SLC66A2: variants seen among roughly 807,000 people sequenced by gnomAD.
The protein encoded by SLC66A2 is PQ loop repeat containing 1.
Under a neutral mutation model 25.5 loss-of-function variants are expected in SLC66A2, and 23 were observed. That is an observed-to-expected ratio of 0.90 (90% confidence interval 0.65 to 1.28). The LOEUF (loss-of-function observed/expected upper bound fraction) is 1.28, where lower values mean the gene tolerates loss of function less well. Among genes scored for constraint, SLC66A2 ranks in the 50% most tolerant of loss-of-function variants. SLC66A2 has a pLI of 0.00. For synonymous variants in SLC66A2, 193 were observed against 166.5 expected (o/e 1.16, Z -1.23); for missense variants, 396 against 373.1 (o/e 1.06, Z -0.51).
Position 79,903,843 on chromosome 18 carries a change from T to A in SLC66A2, c.*133A>T. ...CCACCCTGAGACACCCCACAGAGGC[T>A]GATGGAGACCCCAATGCCCATGCCC... On this transcript the variant is annotated 3_prime_UTR_variant, in exon 6 of 6. Coordinates refer to ENST00000397778, the MANE Select transcript of SLC66A2 (RefSeq NM_025078.5). 1.4e-6 allele frequency: 1 copy of A among 721,086 alleles called. No homozygotes were observed. The highest frequency in any genetic ancestry group is 2.2e-6 in the Non-Finnish European group (1 of 448,120). 44.7% of individuals were successfully genotyped at this position (721,086 alleles called of 1,614,324 possible).
Position 79,943,413 on chromosome 18 carries a change from T to A in SLC66A2, c.253A>T (p.Ile85Phe). ...TTCAGCATCAGCAGCATGGTCAGGA[T>A]CATGATGGCGCTCTGCCACAGCAGC... ...SPLLWQSAIM[I>F]LTMLLMLKLC... Residue 85 changes from isoleucine (I) to phenylalanine (F), a missense_variant, in exon 3 of 6, where the codon ATC (isoleucine) becomes TTC (phenylalanine). Physicochemically the swap from Ile to Phe is conservative, Grantham distance 21. Transcript: ENST00000397778. 1 of 1,614,194 alleles carries A rather than the reference T, an allele frequency of 6.2e-7. No homozygotes were observed. The highest frequency in any genetic ancestry group is 8.5e-7 in the Non-Finnish European group (1 of 1,180,030).
Position 79,904,217 on chromosome 18 carries a change from G to A in SLC66A2, c.609-34C>T, listed in dbSNP as rs775129806. On this transcript the variant is annotated intron_variant, in intron 5 of 5. Transcript: ENST00000397778. The surrounding 1 kb of genome is among the most constrained non-coding windows in gnomAD (Gnocchi z 6.3). ...ACACAAGCAGGCGGTCAGCGGTGGG[G>A]AGGGCGGCGACCTGGGCTCAGTCAG... 5 of 1,595,248 alleles carry A rather than the reference G, an allele frequency of 3.1e-6. No individual in the cohort carries two copies. Among genetic ancestry groups the A allele is most frequent in the African/African-American group, 1.3e-5 (1 of 74,532 alleles).
intron 1 of SLC66A2, among the ~76,000 whole-genome samples, chr18:79,951,378 G>A (rs2051121248): frequency 6.6e-6 from 1 of 150,466 alleles, no homozygotes; most frequent in South Asian, 2.1e-4. Context: ...GGGTCACAGG[G>A]CCTAGCATGG....
intron 3 of SLC66A2, among the ~76,000 whole-genome samples, chr18:79,942,065 G>A (rs555767125): frequency 6.0e-4 from 92 of 152,348 alleles, no homozygotes; most frequent in African/African-American, 2.2e-3. Flanking sequence ...GCAAAGCCTT[G>A]CGGGGAGCAA....
Position 79,903,887 on chromosome 18 carries a change from A to C in SLC66A2, c.*89T>G. The stretch of plus-strand genomic sequence containing the variant: ...CATGCCCCATCTCTGCCACACCTGC[A>C]GGGGCCACAGCACCCACCCTCCCCG... On this transcript the variant is annotated 3_prime_UTR_variant, in exon 6 of 6. Transcript: ENST00000397778. 1.6e-6 allele frequency: 2 copies of C among 1,220,812 alleles called. No individual in the cohort carries two copies. The highest frequency in any genetic ancestry group is 2.3e-6 in the Non-Finnish European group (2 of 883,576). 75.6% of individuals were successfully genotyped at this position (1,220,812 alleles called of 1,614,324 possible). A position where few individuals can be genotyped will look rare whatever the true frequency, so the allele number is the denominator to read the frequency against.
intron 5 of SLC66A2, chr18:79,916,034 C>A: frequency 4.6e-6 from 1 of 216,372 alleles, no homozygotes; most frequent in South Asian, 4.5e-5. Flanking sequence ...CCTCCCATAC[C>A]CACGGTGCTC....
Position 79,918,429 on chromosome 18 carries a change from G to T in SLC66A2, c.608+755C>A, listed in dbSNP as rs1025136107. Among the ~76,000 whole-genome samples the T allele has an allele frequency of 2.0e-5, 3 of 147,866 alleles. No individual in the cohort carries two copies. The highest frequency in any genetic ancestry group is 7.5e-5 in the African/African-American group (3 of 40,052). On this transcript the variant is annotated intron_variant, in intron 5 of 5. Transcript: ENST00000397778. This position sits in a 1 kb window ranked among gnomAD's most constrained non-coding sequence, Gnocchi z 4.0. ...CAGTGAGGAGCGGGCCCGGGGGGGG[G>T]TCCCCAGTGAGGAGCGGGCACCGGG...
chr18:79,943,643 G>A (rs748329673), intron 2 of SLC66A2, 181 bp from the exon 3 acceptor site: 21 of 641,484 alleles, frequency 3.3e-5, no homozygotes, highest in Admixed American at 1.0e-4. Context: ...TCCCAGTCCC[G>A]AACCTGCAGC....
At chr18:79,906,686 C>T (rs1982171931) in intron 5 of SLC66A2, among the ~76,000 whole-genome samples, 1 of 152,242 alleles carries the variant, frequency 6.6e-6, no homozygotes, top group South Asian at 2.1e-4. Context: ...TGCGCACGTT[C>T]ACTTGGCTGT....
At position 79,916,181 on chromosome 18, in the gene SLC66A2, CTCCCATACCCACG is replaced by C. The variant is rs1984082285; in HGVS notation, c.608+2990_608+3002del. On this transcript the variant is annotated intron_variant, in intron 5 of 5. Coordinates refer to ENST00000397778, the MANE Select transcript of SLC66A2 (RefSeq NM_025078.5). ...CTCGTACCCGCAGTGCTCCCGTACC[CTCCCATACCCACG>C]GTGCTCCCGTACCCGCGGCGCTCTT... 3.3e-5 allele frequency among the ~76,000 whole-genome samples: 2 copies of C among 60,410 alleles called. 1 individual carries two copies. The highest frequency in any genetic ancestry group is 8.6e-5 in the Non-Finnish European group (2 of 23,202). The allele number at this position is 60,410 out of a possible 152,430, so 39.6% of individuals were successfully genotyped here. A position where few individuals can be genotyped will look rare whatever the true frequency, so the allele number is the denominator to read the frequency against.
chr18:79,915,463 T>A (rs1983867714), intron 5 of SLC66A2: 1 of 152,374 alleles, frequency 6.6e-6, no homozygotes, highest in South Asian at 2.1e-4. Context: ...CTGACGAGGA[T>A]GCACAGGGTC....
At chr18:79,950,343 A>T (rs1183784352) in intron 2 of SLC66A2, among the ~76,000 whole-genome samples, 1 of 152,208 alleles carries the variant, frequency 6.6e-6, no homozygotes, top group Non-Finnish European at 1.5e-5. Context: ...TGGACCACAG[A>T]GCAAGACCCT....
At chr18:79,948,992 A>G (rs10853393) in intron 2 of SLC66A2, among the ~76,000 whole-genome samples, 27,355 of 152,148 alleles carry the variant, frequency 0.18, 2,713 homozygotes, top group African/African-American at 0.26. Flanking sequence ...TGGGAAAGAA[A>G]GAAGGAGTCT....
At chr18:79,932,378 T>C (rs978039625) in intron 4 of SLC66A2, among the ~76,000 whole-genome samples, 7 of 151,744 alleles carry the variant, frequency 4.6e-5, no homozygotes, top group Non-Finnish European at 1.0e-4. Context: ...GAAAGAATAT[T>C]GGAGTGAAAT....
chr18:79,923,219 GA>G, intron 4 of SLC66A2, among the ~76,000 whole-genome samples: 1 of 116,758 alleles, frequency 8.6e-6, no homozygotes, highest in South Asian at 3.4e-4. Context: ...TGTGGACGGT[GA>G]GGGGGTGGAT....
chr18:79,914,858 C>T (rs1315353040), intron 5 of SLC66A2, among the ~76,000 whole-genome samples: 2 of 152,248 alleles, frequency 1.3e-5, no homozygotes. Flanking sequence ...CGGCCCTAGC[C>T]CTGCAGGCCC....
chr18:79,933,865 G>A, intron 4 of SLC66A2, 104 bp downstream of exon 4: 1 of 976,614 alleles, frequency 1.0e-6, no homozygotes, highest in Non-Finnish European at 1.6e-6. Context: ...TGGTAAAGAT[G>A]ACGCACGCAC....
Position 79,918,839 on chromosome 18 carries a change from C to T in SLC66A2, c.608+345G>A, listed in dbSNP as rs560740084. Among the ~76,000 whole-genome samples, 1 of 152,346 alleles carries T rather than the reference C, an allele frequency of 6.6e-6. No homozygotes were observed. The highest frequency in any genetic ancestry group is 1.5e-5 in the Non-Finnish European group (1 of 68,042). Reference sequence around the variant, plus strand: ...ACCTTCCCTGCCCCACCAGACCCGCCCTGACCCTGGGCCAGGCTGGTTGCC... The same window carrying T: ...ACCTTCCCTGCCCCACCAGACCCGCTCTGACCCTGGGCCAGGCTGGTTGCC... On this transcript the variant is annotated intron_variant, in intron 5 of 5. Coordinates refer to ENST00000397778, the MANE Select transcript of SLC66A2 (RefSeq NM_025078.5). This position sits in a 1 kb window ranked among gnomAD's most constrained non-coding sequence, Gnocchi z 4.0.
rs1399023661 is a variant in SLC66A2 at position 79,934,014 on chromosome 18, T to C, written c.346A>G (p.Ser116Gly). 6.2e-7 allele frequency: 1 copy of C among 1,612,168 alleles called. No homozygotes were observed. Among genetic ancestry groups the C allele is most frequent in the African/African-American group, 1.3e-5 (1 of 74,864 alleles). Residue 116 changes from serine to glycine, a missense_variant, in exon 4 of 6, where the codon AGC (serine) becomes GGC (glycine). Ser to Gly is a moderately conservative substitution (Grantham distance 56, BLOSUM62 0). Coordinates refer to ENST00000397778, the MANE Select transcript of SLC66A2 (RefSeq NM_025078.5). Reference protein sequence around the residue: ...ARRRSFTAADSKDEEVKVAPR... With the variant: ...ARRRSFTAADGKDEEVKVAPR... ...GCAACCTTGACTTCTTCATCCTTGCTATCTGCAGCTACACGTTAAAAAGGG... is the reference window on the plus strand; with the variant it reads ...GCAACCTTGACTTCTTCATCCTTGCCATCTGCAGCTACACGTTAAAAAGGG...
Sources: gnomAD v4.1 joint callset for allele counts (sites outside exome capture counted in the v4.1 genomes callset) on GRCh38, gnomAD v4.1.1 for gene constraint, Gnocchi (gnomAD v3.1) non-coding constraint, MANE v1.5 for transcripts, NCBI Gene and HGNC (gene_info 2026-07-23, HGNC 2026-07-21) for gene names.